Variants in GLT8D2 observed in about 807,000 individuals in gnomAD.
The protein encoded by GLT8D2 is glycosyltransferase 8 domain containing 2, also known as glycosyltransferase 8 domain-containing protein 2.
In GLT8D2, 45 loss-of-function variants were observed where a neutral mutation model predicts 44.5. That is an observed-to-expected ratio of 1.01 (90% CI 0.80 to 1.30). The LOEUF is 1.30. Ranked by LOEUF, GLT8D2 falls within the 50% of genes most tolerant of loss-of-function variation. The pLI is 0.00. For synonymous variants in GLT8D2, 156 were observed against 157.2 expected, an observed-to-expected ratio of 0.99 and a Z score of 0.06; for missense variants, 400 against 430.4, an observed-to-expected ratio of 0.93 and a Z score of 0.62.
intron 5 of GLT8D2, among the ~76,000 whole-genome samples, chr12:104,000,666 A>G (rs752463114): frequency 1.2e-4 from 19 of 152,266 alleles, no homozygotes; most frequent in Non-Finnish European, 2.1e-4. Flanking sequence ...ACCCTTGCCC[A>G]GAAACCTTAT....
chr12:104,003,627 T>A (rs1012037125), intron 4 of GLT8D2, among the ~76,000 whole-genome samples: 5 of 152,104 alleles, frequency 3.3e-5, no homozygotes, highest in African/African-American at 1.2e-4. Context: ...CCCTTGCCTT[T>A]CCCCTTTCCC....
chr12:104,001,682 C>CTTTA (rs567362806), intron 5 of GLT8D2, among the ~76,000 whole-genome samples: 1 of 151,758 alleles, frequency 6.6e-6, no homozygotes, highest in African/African-American at 2.4e-5. Context: ...CACAGAAAAA[C>CTTTA]TTTATTTATT....
chr12:104,054,735 T>C (rs1920411), upstream of GLT8D2, among the ~76,000 whole-genome samples: 1 of 151,894 alleles, frequency 6.6e-6, no homozygotes, highest in African/African-American at 2.4e-5. Flanking sequence ...AGTGTTTTCC[T>C]GGCAAAGAGC....
chr12:104,049,655 C>A (rs1378151426), intron 1 of GLT8D2, among the ~76,000 whole-genome samples: 1 of 152,154 alleles, frequency 6.6e-6, no homozygotes, highest in East Asian at 1.9e-4. Context: ...AAACCCAGGT[C>A]TGGAAAAGCA....
chr12:104,009,560 G>A (rs1180004825), intron 4 of GLT8D2, among the ~76,000 whole-genome samples: 9 of 152,218 alleles, frequency 5.9e-5, no homozygotes, highest in Non-Finnish European at 1.3e-4. Flanking sequence ...ATGCTGAAAT[G>A]AGTCAAGACT....
At chr12:104,014,095 A>G in intron 4 of GLT8D2, 1 of 505,974 alleles carries the variant, frequency 2.0e-6, no homozygotes, top group Non-Finnish European at 3.5e-6. Context: ...CTGGGCATGG[A>G]GCTCATGCCT....
chr12:104,002,728 G>A (rs942391771), intron 5 of GLT8D2, among the ~76,000 whole-genome samples: 1 of 152,144 alleles, frequency 6.6e-6, no homozygotes, highest in African/African-American at 2.4e-5. Context: ...AGGATTGCTT[G>A]AACCCAGGAT....
In GLT8D2 at chr12:103,994,504, G is replaced by C. The variant is rs1197942201; in HGVS notation, c.601-3C>G. ...TCCAGATAGCCCATATATGTGTTCTGTAAGGGAACAGGATGTGCATGCTTT... is the reference window on the plus strand; with the variant it reads ...TCCAGATAGCCCATATATGTGTTCTCTAAGGGAACAGGATGTGCATGCTTT... On this transcript the variant is annotated splice_polypyrimidine_tract_variant and splice_region_variant and intron_variant, in intron 8 of 10. Coordinates refer to ENST00000360814, the MANE Select transcript of GLT8D2 (RefSeq NM_001384711.1). 2 of 1,603,094 alleles carry C rather than the reference G, an allele frequency of 1.2e-6. No homozygotes were observed. The highest frequency in any genetic ancestry group is 3.4e-4 in the Middle Eastern group (2 of 5,944).
rs1361999114 is a variant in GLT8D2 at position 104,022,046 on chromosome 12, AGAAGAAGAAGGG to A, written c.-163-567_-163-556del. On this transcript the variant is annotated intron_variant, in intron 1 of 10. Transcript: ENST00000360814. ...AAAAAGAAGAAGAAGAAGAAGAAGA[AGAAGAAGAAGGG>A]AAAGAAAGAAAGAAAGAAAAAAAAA... 1.1e-4 allele frequency among the ~76,000 whole-genome samples: 15 copies of A among 132,854 alleles called. 1 individual carries two copies. The highest frequency in any genetic ancestry group is 4.5e-4 in the African/African-American group (13 of 29,162). The allele number at this position is 132,854 out of a possible 152,430, so 87.2% of individuals were successfully genotyped here.
At chr12:103,993,572 G>A in intron 9 of GLT8D2, 68 bp from the exon 10 acceptor site, 2 of 967,178 alleles carry the variant, frequency 2.1e-6, no homozygotes, top group Non-Finnish European at 3.1e-6. Context: ...AGTCGAATCT[G>A]ATATTGTAAA....
At chr12:104,050,302 C>T (rs1487773474), upstream of GLT8D2, 2 of 152,236 alleles carry the variant, frequency 1.3e-5, no homozygotes, top group African/African-American at 4.8e-5. Context: ...GAGGAAAAGA[C>T]ACAAAACCAG....
intron 1 of GLT8D2, among the ~76,000 whole-genome samples, chr12:104,059,957 T>C (rs984689728): frequency 1.1e-4 from 16 of 152,226 alleles, no homozygotes; most frequent in Non-Finnish European, 2.1e-4. Flanking sequence ...AGACTACACA[T>C]GTTATCCGCA....
chr12:104,063,529 G>C (rs1250686782), intron 1 of GLT8D2, among the ~76,000 whole-genome samples: 1 of 152,154 alleles, frequency 6.6e-6, no homozygotes, highest in Non-Finnish European at 1.5e-5. Flanking sequence ...AACAGAGCCA[G>C]ACCCTATCTA....
chr12:104,023,371 A>G (rs563521910), intron 1 of GLT8D2, among the ~76,000 whole-genome samples: 21 of 152,344 alleles, frequency 1.4e-4, no homozygotes, highest in African/African-American at 5.1e-4. Flanking sequence ...TTTAGACTGC[A>G]TTGAAGAATC....
chr12:104,048,531 T>C (rs193239095), intron 1 of GLT8D2, among the ~76,000 whole-genome samples: 48 of 152,330 alleles, frequency 3.2e-4, no homozygotes, highest in Non-Finnish European at 5.7e-4. Flanking sequence ...GGCTGTGCCT[T>C]AATGAACCTC....
chr12:104,006,939 T>A (rs935001242), intron 4 of GLT8D2, among the ~76,000 whole-genome samples: 20 of 152,326 alleles, frequency 1.3e-4, no homozygotes, highest in African/African-American at 4.8e-4. Flanking sequence ...TCAGAATATT[T>A]ACTTTGCCTA....
rs754808187 is a variant in GLT8D2, at chr12:103,999,356, C to T, written c.402+41G>A. The T allele has an allele frequency of 2.7e-6, 3 of 1,123,954 alleles. No individual in the cohort carries two copies. In the East Asian group the frequency reaches 7.1e-5, roughly 26 times the overall value. The allele number at this position is 1,123,954 out of a possible 1,614,324, so 69.6% of individuals were successfully genotyped here. ...GCACTCCTTTACTGAACAAAGGTCTCACCAAGGACTGTCCCCAGCACCTGT... is the reference window on the plus strand; with the variant it reads ...GCACTCCTTTACTGAACAAAGGTCTTACCAAGGACTGTCCCCAGCACCTGT... On this transcript the variant is annotated intron_variant, in intron 6 of 10. Transcript: ENST00000360814.
intron 1 of GLT8D2, among the ~76,000 whole-genome samples, chr12:104,026,450 G>A (rs559157930): frequency 6.6e-6 from 1 of 152,004 alleles, no homozygotes; most frequent in East Asian, 1.9e-4. Flanking sequence ...AATCAAGAAG[G>A]CTAAGACACC....
intron 4 of GLT8D2, chr12:104,014,279 C>A: frequency 1.4e-6 from 1 of 700,512 alleles, no homozygotes; most frequent in South Asian, 1.5e-5. Flanking sequence ...TGCTTGAGCC[C>A]TGGAGGTCGA....
Sources: allele counts gnomAD v4.1 joint callset (sites outside exome capture counted in the v4.1 genomes callset), GRCh38; gene constraint gnomAD v4.1.1; transcripts MANE v1.5; gene names NCBI Gene and HGNC (gene_info 2026-07-23, HGNC 2026-07-21).